Variants in PCDH15 observed in about 807,000 individuals in gnomAD.
PCDH15 encodes protocadherin related 15, also known as protocadherin-15.
In PCDH15, 129 loss-of-function variants were observed where a neutral mutation model predicts 178.5. The observed-to-expected ratio is 0.72, with a 90% CI of 0.63 to 0.84. The LOEUF (loss-of-function observed/expected upper bound fraction) is 0.84, where lower values mean the gene tolerates loss of function less well. Ranked by LOEUF, PCDH15 falls within the 40% of genes least tolerant of loss-of-function variation. The pLI, the probability that PCDH15 is intolerant of heterozygous loss-of-function variation, is 0.00. For missense variants in PCDH15, 2,230 were observed against 2,099.9 expected (o/e 1.06, Z -1.21); for synonymous variants, 800 against 732.0 (o/e 1.09, Z -1.50).
chr10:54,104,665 G>A (rs921138637), intron 15 of PCDH15, among the ~76,000 whole-genome samples: 43 of 105,690 alleles, frequency 4.1e-4, no homozygotes, highest in Non-Finnish European at 3.2e-4. Context: ...GTGAAACCCC[G>A]TCTCTACTAA....
intron 5 of PCDH15, among the ~76,000 whole-genome samples, chr10:54,356,444 T>G (rs899032093): frequency 6.6e-6 from 1 of 151,920 alleles, no homozygotes; most frequent in South Asian, 2.1e-4. Flanking sequence ...AGTTTCATAT[T>G]TTCAACTTAA....
At chr10:55,251,582 G>T (rs1023600509) in intron 1 of PCDH15, among the ~76,000 whole-genome samples, 1 of 152,030 alleles carries the variant, frequency 6.6e-6, no homozygotes, top group South Asian at 2.1e-4. Flanking sequence ...TTCACTTTTT[G>T]AAGGACATCG....
intron 13 of PCDH15, 28 bp downstream of exon 13, chr10:54,183,416 T>G (rs778241733): frequency 1.3e-6 from 2 of 1,581,746 alleles, no homozygotes; most frequent in Admixed American, 3.3e-5. Context: ...CAGCTTTGAG[T>G]GTACACTTAT....
intron 1 of PCDH15, among the ~76,000 whole-genome samples, chr10:54,770,270 A>C (rs924353541): frequency 6.6e-6 from 1 of 152,202 alleles, no homozygotes; most frequent in East Asian, 1.9e-4. Context: ...GACATATTAC[A>C]TTCATCTTTC....
intron 1 of PCDH15, among the ~76,000 whole-genome samples, chr10:55,309,045 A>G (rs1843506719): frequency 6.6e-6 from 1 of 152,196 alleles, no homozygotes; most frequent in African/African-American, 2.4e-5. Flanking sequence ...AAAAGAGCCA[A>G]TATATTTTCA....
chr10:55,550,559 A>C (rs912949991), intron 2 of PCDH15, among the ~76,000 whole-genome samples: 7 of 152,142 alleles, frequency 4.6e-5, no homozygotes, highest in Admixed American at 3.9e-4. Flanking sequence ...TTGTATTGCC[A>C]AGTGTCTAAA....
chr10:55,370,180 C>T (rs1433597724), intron 2 of PCDH15, among the ~76,000 whole-genome samples: 1 of 151,994 alleles, frequency 6.6e-6, no homozygotes, highest in African/African-American at 2.4e-5. Flanking sequence ...ATGGGGAGGA[C>T]ACAGAGGCCT....
At chr10:55,180,141 C>G (rs1312159608) in intron 1 of PCDH15, among the ~76,000 whole-genome samples, 3 of 151,922 alleles carry the variant, frequency 2.0e-5, no homozygotes, top group African/African-American at 7.3e-5. Context: ...TTAAAGAACT[C>G]TGAGAAGTTG....
intron 20 of PCDH15, among the ~76,000 whole-genome samples, chr10:53,999,492 A>G (rs2134977712): frequency 6.6e-6 from 1 of 152,298 alleles, no homozygotes; most frequent in Admixed American, 6.5e-5. Context: ...CTACATCTGC[A>G]GCTAAAGAAA....
At chr10:54,435,654 A>C (rs2075331177) in intron 3 of PCDH15, among the ~76,000 whole-genome samples, 1 of 152,146 alleles carries the variant, frequency 6.6e-6, no homozygotes, top group South Asian at 2.1e-4. Flanking sequence ...GATACACAGC[A>C]CAGTGGAAAG....
At chr10:55,254,685 T>C (rs896543330) in intron 1 of PCDH15, among the ~76,000 whole-genome samples, 1 of 152,190 alleles carries the variant, frequency 6.6e-6, no homozygotes, top group Non-Finnish European at 1.5e-5. Flanking sequence ...TAAAATATAA[T>C]TGTAATTCCC....
At chr10:54,660,905 C>T (rs112395892) in intron 2 of PCDH15, among the ~76,000 whole-genome samples, 1,655 of 151,666 alleles carry the variant, frequency 0.011, 22 homozygotes, top group Non-Finnish European at 0.016. Flanking sequence ...CAATAATATC[C>T]AATATGTCTG....
chr10:54,618,125 T>C (rs186666767), intron 2 of PCDH15, among the ~76,000 whole-genome samples: 2 of 152,160 alleles, frequency 1.3e-5, no homozygotes, highest in African/African-American at 4.8e-5. Context: ...CAGTATAATA[T>C]GAGAAGAGGT....
At chr10:54,906,260 C>G (rs1342872814) in intron 2 of PCDH15, among the ~76,000 whole-genome samples, 1 of 152,076 alleles carries the variant, frequency 6.6e-6, no homozygotes, top group Non-Finnish European at 1.5e-5. Flanking sequence ...GTGGAGGACC[C>G]AGATGACTAT....
intron 2 of PCDH15, among the ~76,000 whole-genome samples, chr10:55,421,917 C>A (rs1217763345): frequency 3.3e-5 from 5 of 151,770 alleles, no homozygotes; most frequent in Admixed American, 3.3e-4. Context: ...AATGGTATTT[C>A]TATTAGCCCA....
intron 2 of PCDH15, among the ~76,000 whole-genome samples, chr10:55,487,322 C>T (rs1840317067): frequency 6.6e-6 from 1 of 151,660 alleles, no homozygotes; most frequent in Non-Finnish European, 1.5e-5. Context: ...CTCATAAGCA[C>T]AACTGAGGTT....
intron 2 of PCDH15, among the ~76,000 whole-genome samples, chr10:55,475,380 G>A (rs946525761): frequency 6.6e-6 from 1 of 152,016 alleles, no homozygotes; most frequent in African/African-American, 2.4e-5. Context: ...ATCAAAACTT[G>A]CAACAATATT....
chr10:54,772,171 C>A (rs1949170398), intron 1 of PCDH15, among the ~76,000 whole-genome samples: 1 of 151,920 alleles, frequency 6.6e-6, no homozygotes, highest in East Asian at 1.9e-4. Context: ...ATTTTTATAG[C>A]TATATAATAT....
At chr10:55,273,817 T>G (rs892787619) in intron 1 of PCDH15, among the ~76,000 whole-genome samples, 1 of 152,132 alleles carries the variant, frequency 6.6e-6, no homozygotes, top group Non-Finnish European at 1.5e-5. Context: ...CAAATAAGCA[T>G]ATAACCTATT....
Sources: gnomAD v4.1 joint callset for allele counts (sites outside exome capture counted in the v4.1 genomes callset) on GRCh38, gnomAD v4.1.1 for gene constraint, MANE v1.5 for transcripts, NCBI Gene and HGNC (gene_info 2026-07-23, HGNC 2026-07-21) for gene names.